The following ANKMY2 variants were observed in gnomAD, a reference collection of about 807,000 sequenced individuals.
ANKMY2 encodes the protein ankyrin repeat and MYND domain-containing protein 2.
A neutral mutation model predicts 50.4 loss-of-function variants in ANKMY2; 36 were observed. The ratio of observed to expected loss-of-function variants is 0.71; its 90% confidence interval spans 0.55 to 0.94. ANKMY2 has a LOEUF of 0.94. Among genes scored for constraint, ANKMY2 ranks in the 40% least tolerant of loss-of-function variants. The pLI is 0.00. For missense variants in ANKMY2, 565 were observed against 524.0 expected (o/e 1.08, Z -0.76); for synonymous variants, 187 against 178.8 (o/e 1.05, Z -0.36).
chr7:16,640,753 G>A (rs1390929322), intron 1 of ANKMY2, among the ~76,000 whole-genome samples: 1 of 152,038 alleles, frequency 6.6e-6, no homozygotes, highest in Admixed American at 6.6e-5. Flanking sequence ...GCAAACTCCT[G>A]GGTCCAAGTG....
chr7:16,627,567 T>C (rs1159134491), intron 2 of ANKMY2, among the ~76,000 whole-genome samples: 2 of 152,312 alleles, frequency 1.3e-5, no homozygotes, highest in Non-Finnish European at 2.9e-5. Flanking sequence ...AAGGGGAAAG[T>C]TGAATAAAGT....
intron 1 of ANKMY2, among the ~76,000 whole-genome samples, chr7:16,640,585 G>T (rs770496174): frequency 5.9e-5 from 9 of 152,130 alleles, no homozygotes; most frequent in Admixed American, 2.0e-4. Context: ...GCAGTGGCAT[G>T]ATCATGGCTC....
At chr7:16,611,074 A>G (rs1781243043) in intron 5 of ANKMY2, among the ~76,000 whole-genome samples, 3 of 152,240 alleles carry the variant, frequency 2.0e-5, no homozygotes, top group African/African-American at 7.2e-5. Flanking sequence ...ATTCACTTTT[A>G]CTAAAGATAA....
intron 4 of ANKMY2, among the ~76,000 whole-genome samples, chr7:16,622,590 A>T (rs1781451404): frequency 6.6e-6 from 1 of 151,984 alleles, no homozygotes; most frequent in Non-Finnish European, 1.5e-5. Flanking sequence ...TACAAAAAAA[A>T]TTAGCTAGGC....
chr7:16,602,290 C>T (rs879078720), intron 9 of ANKMY2, 90 bp downstream of exon 9: 2 of 1,482,802 alleles, frequency 1.3e-6, no homozygotes, highest in South Asian at 2.7e-5. Context: ...CCTATGGCTT[C>T]CAGAGAAGAC....
intron 9 of ANKMY2, among the ~76,000 whole-genome samples, chr7:16,601,670 G>T (rs187071250): frequency 1.8e-4 from 27 of 152,334 alleles, no homozygotes; most frequent in African/African-American, 6.3e-4. Context: ...AGGCAGAAAT[G>T]CCTGGTATCA....
At chr7:16,619,849 G>A (rs1025446111) in intron 4 of ANKMY2, among the ~76,000 whole-genome samples, 1 of 152,124 alleles carries the variant, frequency 6.6e-6, no homozygotes, top group Admixed American at 6.6e-5. Context: ...ACAACAAGAC[G>A]TATCCTTTTC....
chr7:16,616,609 G>A (rs1377832701), intron 4 of ANKMY2, among the ~76,000 whole-genome samples: 2 of 152,170 alleles, frequency 1.3e-5, no homozygotes, highest in Non-Finnish European at 2.9e-5. Context: ...CTACCTCTCT[G>A]GAGCAAAGCA....
At chr7:16,610,401 A>C in intron 6 of ANKMY2, 148 bp downstream of exon 6, 1 of 641,644 alleles carries the variant, frequency 1.6e-6, no homozygotes, top group Non-Finnish European at 2.7e-6. Context: ...GTATAATATT[A>C]TTCTCTGTTT....
chr7:16,603,748 T>C lies in ANKMY2; in HGVS notation c.1011+973A>G, dbSNP rs1005858639. 4 of 469,680 alleles carry C rather than the reference T, an allele frequency of 8.5e-6. No individual in the cohort carries two copies. In the Admixed American group the frequency reaches 9.4e-5, roughly 11 times the overall value. 29.1% of individuals were successfully genotyped at this position (469,680 alleles called of 1,614,324 possible). On this transcript the variant is annotated intron_variant, in intron 8 of 9. Transcript: ENST00000306999. ...AACAACATGGCAATTTCAAGGCTAG[T>C]CCTTGAGAGGTCTTCTGTGTTTCTA...
chr7:16,634,369 C>T (rs1359019535), intron 2 of ANKMY2, among the ~76,000 whole-genome samples: 5 of 152,136 alleles, frequency 3.3e-5, no homozygotes, highest in Admixed American at 1.3e-4. Flanking sequence ...AATTGCCTAG[C>T]TTATAACCTT....
intron 4 of ANKMY2, among the ~76,000 whole-genome samples, chr7:16,624,327 G>A (rs957347962): frequency 6.6e-6 from 1 of 151,828 alleles, no homozygotes; most frequent in Non-Finnish European, 1.5e-5. Flanking sequence ...CAAAGAACAA[G>A]AATTCACTCC....
chr7:16,638,674 G>A (rs1345078039), intron 1 of ANKMY2, among the ~76,000 whole-genome samples: 1 of 152,136 alleles, frequency 6.6e-6, no homozygotes, highest in African/African-American at 2.4e-5. Flanking sequence ...GGGTGGAGTT[G>A]AAAAATTCAA....
At chr7:16,631,225 C>T (rs887755783) in intron 2 of ANKMY2, among the ~76,000 whole-genome samples, 9 of 152,170 alleles carry the variant, frequency 5.9e-5, no homozygotes, top group Non-Finnish European at 1.2e-4. Flanking sequence ...GAAAGGTTTT[C>T]TAAAACTGAA....
chr7:16,615,512 C>T (rs934598237), intron 5 of ANKMY2, among the ~76,000 whole-genome samples: 1 of 152,204 alleles, frequency 6.6e-6, no homozygotes, highest in African/African-American at 2.4e-5. Flanking sequence ...TCAGCAAACC[C>T]ATCTCTTTGC....
chr7:16,610,506 T>C, intron 6 of ANKMY2, 43 bp downstream of exon 6: 1 of 1,480,180 alleles, frequency 6.8e-7, no homozygotes, highest in Non-Finnish European at 9.2e-7. Context: ...AAAAAAAATA[T>C]TCACTTGAGT....
At chr7:16,644,617 G>C (rs1583689571) in intron 1 of ANKMY2, 1 of 451,240 alleles carries the variant, frequency 2.2e-6, no homozygotes, top group Non-Finnish European at 4.5e-6. Context: ...TAATTGCCCG[G>C]AGTCGCACGC....
intron 1 of ANKMY2, among the ~76,000 whole-genome samples, chr7:16,642,354 T>C (rs2128347196): frequency 6.6e-6 from 1 of 152,322 alleles, no homozygotes; most frequent in East Asian, 1.9e-4. Flanking sequence ...GTGATTTCAA[T>C]TTCCTCTTAC....
intron 8 of ANKMY2, chr7:16,603,542 C>T: frequency 2.2e-6 from 1 of 451,088 alleles, no homozygotes; most frequent in Non-Finnish European, 4.7e-6. Flanking sequence ...TGTTATTAAA[C>T]ACTTACTGTA....
Sources: gnomAD v4.1 joint callset for allele counts (sites outside exome capture counted in the v4.1 genomes callset) on GRCh38, gnomAD v4.1.1 for gene constraint, MANE v1.5 for transcripts, NCBI Gene and HGNC (gene_info 2026-07-23, HGNC 2026-07-21) for gene names.